Variants in PUS7 observed in about 807,000 individuals in gnomAD.
The protein encoded by PUS7 is pseudouridylate synthase 7 homolog.
PUS7 carries 48 observed loss-of-function variants against 79.8 expected under a neutral mutation model. The observed-to-expected ratio is 0.60, with a 90% confidence interval of 0.48 to 0.76. The LOEUF is 0.76. Ranked by LOEUF, PUS7 falls within the 30% of genes least tolerant of loss-of-function variation. PUS7 has a pLI of 0.00. For missense variants in PUS7, 729 were observed against 797.6 expected (o/e 0.91, Z 1.04); for synonymous variants, 286 against 272.2 (o/e 1.05, Z -0.50).
intron 2 of PUS7, among the ~76,000 whole-genome samples, chr7:105,507,012 T>C (rs1418024177): frequency 2.0e-5 from 3 of 152,108 alleles, no homozygotes; most frequent in Non-Finnish European, 4.4e-5. Context: ...ACAACCCCAA[T>C]GTGGTAATAT....
chr7:105,481,217 G>A, intron 8 of PUS7, 40 bp from the exon 9 acceptor site: 3 of 1,576,592 alleles, frequency 1.9e-6, no homozygotes, highest in Non-Finnish European at 2.6e-6. Context: ...AAAAGTTACA[G>A]TCAAATACTC....
chr7:105,488,002 C>T (rs1362383177), intron 7 of PUS7, among the ~76,000 whole-genome samples: 2 of 152,134 alleles, frequency 1.3e-5, no homozygotes, highest in Non-Finnish European at 2.9e-5. Flanking sequence ...TGCCTGGCCC[C>T]ATGTATCCAT....
chr7:105,516,567 C>T (rs1825903712), intron 1 of PUS7, among the ~76,000 whole-genome samples: 1 of 152,024 alleles, frequency 6.6e-6, no homozygotes, highest in Non-Finnish European at 1.5e-5. Flanking sequence ...GATTCTCCTG[C>T]CTCAGCTTCC....
At chr7:105,496,876 A>C in intron 5 of PUS7, 1 of 966,228 alleles carries the variant, frequency 1.0e-6, no homozygotes, top group Non-Finnish European at 1.3e-6. Context: ...TCAGTTAAGC[A>C]AAGTTGTCTA....
chr7:105,483,908 G>A (rs1824436414), intron 7 of PUS7, among the ~76,000 whole-genome samples: 1 of 152,106 alleles, frequency 6.6e-6, no homozygotes, highest in Non-Finnish European at 1.5e-5. Flanking sequence ...CATGATATCT[G>A]GCCCTTAGAA....
At position 105,508,112 on chromosome 7, in the gene PUS7, T is replaced by A; in HGVS notation, c.398+3A>T. ...AATAACTTTATTCATAAACTAAATG[T>A]ACCTTTCTTTTAAGATTCCCGAGAA... On this transcript the variant is annotated splice_donor_region_variant and intron_variant, in intron 2 of 15. Transcript: ENST00000469408. 1 of 1,607,606 alleles carries A rather than the reference T, an allele frequency of 6.2e-7. No homozygotes were observed. The highest frequency in any genetic ancestry group is 8.5e-7 in the Non-Finnish European group (1 of 1,176,664).
At chr7:105,502,287 G>A in intron 5 of PUS7, 133 bp downstream of exon 5, 1 of 1,135,000 alleles carries the variant, frequency 8.8e-7, no homozygotes, top group South Asian at 1.5e-5. Flanking sequence ...CCTCTCTGAA[G>A]GAGGGACATG....
At chr7:105,468,506 T>A (rs1322545426) in intron 11 of PUS7, 43 bp from the exon 12 acceptor site, 1 of 1,526,132 alleles carries the variant, frequency 6.6e-7, no homozygotes, top group Non-Finnish European at 8.9e-7. Context: ...ATATTCTAAA[T>A]ATAAAAAGTG....
intron 7 of PUS7, among the ~76,000 whole-genome samples, chr7:105,489,114 C>T (rs1824674754): frequency 7.3e-6 from 1 of 136,104 alleles, no homozygotes; most frequent in African/African-American, 2.8e-5. Flanking sequence ...CACTACTGCA[C>T]TCCAGCGTGG....
At chr7:105,459,669 C>T (rs1356046000) in intron 14 of PUS7, among the ~76,000 whole-genome samples, 6 of 151,784 alleles carry the variant, frequency 4.0e-5, no homozygotes, top group South Asian at 2.1e-4. Flanking sequence ...AACTCCTGAC[C>T]TCAGGTGATC....
At chr7:105,463,487 T>C (rs533648553) in intron 13 of PUS7, among the ~76,000 whole-genome samples, 2 of 152,334 alleles carry the variant, frequency 1.3e-5, no homozygotes, top group East Asian at 3.9e-4. Context: ...AAACCTTTTA[T>C]CTGCCCCAGG....
chr7:105,493,227 A>G (rs767531059), intron 6 of PUS7, among the ~76,000 whole-genome samples: 2 of 152,262 alleles, frequency 1.3e-5, no homozygotes, highest in African/African-American at 2.4e-5. Context: ...ATGAAATGCT[A>G]AAACTGGGAT....
At chr7:105,497,539 T>C (rs1476189519) in intron 5 of PUS7, among the ~76,000 whole-genome samples, 1 of 152,218 alleles carries the variant, frequency 6.6e-6, no homozygotes, top group East Asian at 1.9e-4. Flanking sequence ...GGCTTATCAA[T>C]GAGTGCAATG....
At chr7:105,484,526 A>T (rs1586130725) in intron 7 of PUS7, among the ~76,000 whole-genome samples, 1 of 150,492 alleles carries the variant, frequency 6.6e-6, no homozygotes. Flanking sequence ...AAAAAAAAAA[A>T]ATAGCTCTGG....
At chr7:105,500,975 T>C (rs1007581292) in intron 5 of PUS7, among the ~76,000 whole-genome samples, 1 of 152,224 alleles carries the variant, frequency 6.6e-6, no homozygotes, top group African/African-American at 2.4e-5. Context: ...CTGGCTTTTC[T>C]TTACAGTGTT....
rs1825450002 is a variant in PUS7, at chr7:105,506,200, C to T, written c.472G>A (p.Val158Met). 1.2e-6 allele frequency: 2 copies of T among 1,611,070 alleles called. No homozygotes were observed. The highest frequency in any genetic ancestry group is 2.7e-5 in the African/African-American group (2 of 74,944). ...AGAGCTACTTCTACCTCCTCATCCA[C>T]TGGAATGGACAAGTCATTCAAATGG... ...ISHLNDLSIP[V>M]DEEDPSEDIF... Residue 158 changes from valine (V) to methionine (M), a missense_variant, in exon 3 of 16, where the codon GTG becomes ATG. By Grantham distance (21) the Val-to-Met change is conservative (BLOSUM62 1). Transcript: ENST00000469408.
chr7:105,521,956 G>C (rs1045313123), intron 1 of PUS7, 96 bp downstream of exon 1: 1 of 152,610 alleles, frequency 6.6e-6, no homozygotes, highest in Non-Finnish European at 1.5e-5. Flanking sequence ...CGCCTTCCCA[G>C]TCCGCACTGC....
intron 5 of PUS7, chr7:105,497,051 C>G: frequency 9.8e-7 from 1 of 1,023,070 alleles, no homozygotes; most frequent in Non-Finnish European, 1.2e-6. Context: ...GGTGAACATG[C>G]AAATGATCGC....
At chr7:105,484,589 C>T (rs971645410) in intron 7 of PUS7, among the ~76,000 whole-genome samples, 6 of 150,712 alleles carry the variant, frequency 4.0e-5, no homozygotes, top group African/African-American at 7.3e-5. Flanking sequence ...GAGGCCGAGG[C>T]GGGCGGATTA....
Sources: gnomAD v4.1 joint callset for allele counts (sites outside exome capture counted in the v4.1 genomes callset) on GRCh38, gnomAD v4.1.1 for gene constraint, MANE v1.5 for transcripts, NCBI Gene and HGNC (gene_info 2026-07-23, HGNC 2026-07-21) for gene names.